The following DYRK4 variants were observed in gnomAD, a reference collection of about 807,000 sequenced individuals.
The protein encoded by DYRK4 is dual specificity tyrosine phosphorylation regulated kinase 4, also known as dual specificity tyrosine-phosphorylation-regulated kinase 4.
A neutral mutation model predicts 68.3 loss-of-function variants in DYRK4; 64 were observed. The ratio of observed to expected loss-of-function variants is 0.94; its 90% CI spans 0.77 to 1.15. The LOEUF (loss-of-function observed/expected upper bound fraction) is 1.15. Among genes scored for constraint, DYRK4 ranks in the 50% most tolerant of loss-of-function variants. The pLI is 0.00. For synonymous variants in DYRK4, 274 were observed against 289.9 expected, an observed-to-expected ratio of 0.95 and a Z score of 0.56; for missense variants, 740 against 764.7, an observed-to-expected ratio of 0.97 and a Z score of 0.38.
At chr12:4,605,146 G>C in intron 11 of DYRK4, 60 bp downstream of exon 11, 1 of 1,508,642 alleles carries the variant, frequency 6.6e-7, no homozygotes. Context: ...CTCAGACACG[G>C]GGCTGCACCA....
At chr12:4,589,148 C>T in intron 3 of DYRK4, 131 bp downstream of exon 3, 1 of 686,088 alleles carries the variant, frequency 1.5e-6, no homozygotes, top group Non-Finnish European at 2.4e-6. Context: ...AGCACTCTAT[C>T]CACGTCACCA....
intron 2 of DYRK4, among the ~76,000 whole-genome samples, chr12:4,584,290 T>G (rs1334888364): frequency 1.3e-5 from 2 of 152,182 alleles, no homozygotes; most frequent in Non-Finnish European, 2.9e-5. Flanking sequence ...ATAGATATGT[T>G]CAGTAAATGC....
At chr12:4,604,886 C>T in intron 10 of DYRK4, 28 bp from the exon 11 acceptor site, 2 of 1,550,998 alleles carry the variant, frequency 1.3e-6, no homozygotes, top group Non-Finnish European at 1.7e-6. Context: ...GTTTGTCCCA[C>T]GAGGTTTCTC....
intron 9 of DYRK4, among the ~76,000 whole-genome samples, chr12:4,599,374 G>A (rs1380241505): frequency 6.8e-6 from 1 of 148,116 alleles, no homozygotes; most frequent in Non-Finnish European, 1.5e-5. Context: ...GCATTTCTAA[G>A]GCCGTGCAAG....
rs1944949079 is a variant in DYRK4 at position 4,591,085 on chromosome 12, T to C, written c.325-75T>C. ...GAGCCTGGCTGAAGGTGGGTGTCTT[T>C]GGTTAAATAAATGGTTTATGGCCCC... On this transcript the variant is annotated intron_variant, in intron 4 of 14. Coordinates refer to ENST00000543431, the MANE Select transcript of DYRK4 (RefSeq NM_001394779.1). This position sits in a 1 kb window ranked among gnomAD's most constrained non-coding sequence, Gnocchi z 4.1. The C allele has an allele frequency of 1.9e-6, 3 of 1,538,878 alleles. No individual in the cohort carries two copies. The African/African-American group carries it at 4.2e-5, about 21-fold the overall frequency.
intron 10 of DYRK4, chr12:4,603,106 C>T (rs1945099855): frequency 6.5e-6 from 9 of 1,389,640 alleles, no homozygotes; most frequent in Non-Finnish European, 9.1e-6. Context: ...GTTTGGACTC[C>T]TGGAAAGAGT....
rs747298388 is a variant in DYRK4 at position 4,596,708 on chromosome 12, G to A, written c.884G>A (p.Cys295Tyr). The part of the protein sequence containing the change: ...KDFFYFRNHF[C>Y]ITFELLGINL... ...TTTTTCTACTTTCGCAATCACTTCT[G>A]CATCACCTTTGAGCTCCTGGGGTCA... Residue 295 changes from cysteine to tyrosine, a missense_variant, in exon 8 of 15, where the codon TGC becomes TAC. By Grantham distance (194) the Cys-to-Tyr change is radical. Transcript: ENST00000543431. 4.2e-5 allele frequency: 68 copies of A among 1,613,990 alleles called. No individual in the cohort carries two copies. Among genetic ancestry groups the A allele is most frequent in the Non-Finnish European group, 5.3e-5 (62 of 1,180,048 alleles).
intron 2 of DYRK4, among the ~76,000 whole-genome samples, chr12:4,585,291 T>C (rs987441960): frequency 6.6e-6 from 1 of 152,222 alleles, no homozygotes; most frequent in African/African-American, 2.4e-5. Context: ...GTTTCCTTGA[T>C]GCCTCCTTCT....
chr12:4,583,871 G>C (rs1411687517), intron 2 of DYRK4, among the ~76,000 whole-genome samples: 2 of 152,172 alleles, frequency 1.3e-5, no homozygotes, highest in African/African-American at 4.8e-5. Flanking sequence ...CTCTGGAGCT[G>C]GTCCCAGCTC....
rs561479609 is a variant in DYRK4, at chr12:4,601,236, G to A, written c.1126+1448G>A. The stretch of plus-strand genomic sequence containing the variant: ...AGTCAATGCACCACATACAGTGTTA[G>A]CCATTCACTCTCACACACTGTTGGA... On this transcript the variant is annotated intron_variant, in intron 10 of 14. Transcript: ENST00000543431. 7.9e-5 allele frequency among the ~76,000 whole-genome samples: 12 copies of A among 152,322 alleles called. No homozygotes were observed. In the South Asian group the frequency reaches 2.5e-3, roughly 32 times the overall value.
chr12:4,612,390 T>C, intron 13 of DYRK4, 153 bp from the exon 14 acceptor site: 1 of 775,578 alleles, frequency 1.3e-6, no homozygotes. Flanking sequence ...TCCAGGTACT[T>C]TTAAGTTATA....
At position 4,599,017 on chromosome 12, in the gene DYRK4, CT is replaced by C. The variant is rs764465260; in HGVS notation, c.906-10del. On this transcript the variant is annotated splice_polypyrimidine_tract_variant and intron_variant, in intron 8 of 14. Transcript: ENST00000543431. Reference sequence around the variant, plus strand: ...TACACCCATATGCATCACTTTTCCCCTCTTTTCCAGAATCAACTTGTATGAG... The same window carrying C: ...TACACCCATATGCATCACTTTTCCCCCTTTTCCAGAATCAACTTGTATGAG... The C allele has an allele frequency of 1.9e-6, 3 of 1,613,900 alleles. No homozygotes were observed. Among genetic ancestry groups the C allele is most frequent in the South Asian group, 2.2e-5 (2 of 91,052 alleles).
chr12:4,580,240 A>G (rs1342921721), intron 2 of DYRK4, among the ~76,000 whole-genome samples: 2 of 152,180 alleles, frequency 1.3e-5, no homozygotes, highest in Non-Finnish European at 2.9e-5. Context: ...TACTAGGGAC[A>G]GAGCTGGTGG....
intron 1 of DYRK4, 136 bp from the exon 2 acceptor site, chr12:4,567,819 G>C: frequency 1.4e-6 from 1 of 695,674 alleles, no homozygotes; most frequent in Non-Finnish European, 2.4e-6. Context: ...GGGAGAAGCA[G>C]GGACCCTGCT....
At chr12:4,578,189 A>G (rs1944807590) in intron 2 of DYRK4, among the ~76,000 whole-genome samples, 1 of 152,200 alleles carries the variant, frequency 6.6e-6, no homozygotes, top group Admixed American at 6.5e-5. Flanking sequence ...AAATACTTCT[A>G]GCCATTTTGT....
At chr12:4,610,534 T>TTAAG (rs567843095) in intron 13 of DYRK4, 4 of 304,314 alleles carry the variant, frequency 1.3e-5, no homozygotes, top group Non-Finnish European at 2.4e-5. Context: ...TTCAAAGAGA[T>TTAAG]TAAGTGACCT....
intron 1 of DYRK4, chr12:4,562,933 C>T: frequency 2.7e-6 from 1 of 375,250 alleles, no homozygotes. Flanking sequence ...AAAGGCTATT[C>T]TGTGACATTT....
At position 4,564,880 on chromosome 12, in the gene DYRK4, C is replaced by A. The variant is rs868591066; in HGVS notation, c.38+2597C>A. ...CAAAAGACTAACAATCAATATGAGA[C>A]AAAAAATATATGCACCTAAGATAAT... is the stretch of plus-strand genomic sequence containing the variant. On this transcript the variant is annotated intron_variant, in intron 1 of 14. Coordinates refer to ENST00000543431, the MANE Select transcript of DYRK4 (RefSeq NM_001394779.1). Among the ~76,000 whole-genome samples, 50 of 152,206 alleles carry A rather than the reference C, an allele frequency of 3.3e-4. 1 individual carries two copies. The highest frequency in any genetic ancestry group is 6.8e-3 in the Middle Eastern group (2 of 294).
At chr12:4,574,773 A>T (rs1253527072) in intron 2 of DYRK4, among the ~76,000 whole-genome samples, 1 of 152,242 alleles carries the variant, frequency 6.6e-6, no homozygotes, top group Non-Finnish European at 1.5e-5. Context: ...GTTGGAGCGC[A>T]GTGGTGCGAT....
Sources: allele counts gnomAD v4.1 joint callset (sites outside exome capture counted in the v4.1 genomes callset), GRCh38; gene constraint gnomAD v4.1.1; non-coding constraint Gnocchi (gnomAD v3.1); transcripts MANE v1.5; gene names NCBI Gene and HGNC (gene_info 2026-07-23, HGNC 2026-07-21).